Variants in SAE1 observed in about 807,000 individuals in gnomAD.
The protein encoded by SAE1 is SUMO-activating enzyme subunit 1.
SAE1 carries 11 observed loss-of-function variants against 40.6 expected under a neutral mutation model. The ratio of observed to expected loss-of-function variants is 0.27; its 90% confidence interval spans 0.17 to 0.45. SAE1 has a LOEUF of 0.45. Among genes scored for constraint, SAE1 ranks in the 20% least tolerant of loss-of-function variants. SAE1 has a pLI of 1.00. For missense variants in SAE1, 373 were observed against 427.3 expected, an observed-to-expected ratio of 0.87 and a Z score of 1.12; for synonymous variants, 155 against 154.3, an observed-to-expected ratio of 1.00 and a Z score of -0.03.
chr19:47,182,320 C>T (rs1019711018), intron 6 of SAE1, among the ~76,000 whole-genome samples: 1 of 151,996 alleles, frequency 6.6e-6, no homozygotes, highest in Non-Finnish European at 1.5e-5. Flanking sequence ...TTTTGGTGTC[C>T]AGTAATGACA....
rs111648130 is a variant in SAE1 at position 47,170,300 on chromosome 19, C to T, written c.733+377C>T. On this transcript the variant is annotated intron_variant, in intron 6 of 8. Coordinates refer to ENST00000270225, the MANE Select transcript of SAE1 (RefSeq NM_005500.3). Reference sequence around the variant, plus strand: ...TGCAATCTTGGCTCACTGCAACCTCCACCTCCTGGGTTGAAGCGATTCTGG... The same window carrying T: ...TGCAATCTTGGCTCACTGCAACCTCTACCTCCTGGGTTGAAGCGATTCTGG... Among the ~76,000 whole-genome samples, 1,082 of 151,518 alleles carry T rather than the reference C, an allele frequency of 7.1e-3. 11 individuals carry two copies. The highest frequency in any genetic ancestry group is 0.025 in the African/African-American group (1,045 of 41,264).
intron 5 of SAE1, among the ~76,000 whole-genome samples, 172 bp downstream of exon 5, chr19:47,155,385 A>G (rs1377821626): frequency 6.6e-6 from 1 of 151,898 alleles, no homozygotes; most frequent in Non-Finnish European, 1.5e-5. Context: ...CTGTGAGGGA[A>G]TGTGGGCCCA....
chr19:47,208,250 G>GT lies in SAE1; in HGVS notation c.949-902dup, dbSNP rs981505288. On this transcript the variant is annotated intron_variant, in intron 8 of 8. Coordinates refer to ENST00000270225, the MANE Select transcript of SAE1 (RefSeq NM_005500.3). The stretch of plus-strand genomic sequence containing the variant: ...TTAGTCATTGTTTTAGTTTTAAGGT[G>GT]TTTTTTTGTTTGTTTGTTTTTTGTT... 2.6e-5 allele frequency among the ~76,000 whole-genome samples: 4 copies of GT among 152,006 alleles called. No homozygotes were observed. In the East Asian group the frequency reaches 7.8e-4, roughly 30 times the overall value.
At position 47,155,469 on chromosome 19, in the gene SAE1, T is replaced by TTG. The variant is rs201028206; in HGVS notation, c.627+265_627+266dup. Among the ~76,000 whole-genome samples the TTG allele has an allele frequency of 3.9e-3, 595 of 152,154 alleles. 6 individuals carry two copies. The highest frequency in any genetic ancestry group is 0.014 in the African/African-American group (562 of 41,504). ...TAGGCTCTGTCCCAAACTTTTTTTT[T>TTG]TGTGTGTGTGAGATGGAATTTTTTC... On this transcript the variant is annotated intron_variant, in intron 5 of 8. Coordinates refer to ENST00000270225, the MANE Select transcript of SAE1 (RefSeq NM_005500.3).
intron 5 of SAE1, among the ~76,000 whole-genome samples, chr19:47,165,934 CT>C (rs1667319039): frequency 6.6e-6 from 1 of 152,188 alleles, no homozygotes; most frequent in Non-Finnish European, 1.5e-5. Context: ...TGCATTCCAA[CT>C]TTCACATTTT....
At chr19:47,150,847 CTG>C (rs761565298) in intron 3 of SAE1, among the ~76,000 whole-genome samples, 8 of 152,208 alleles carry the variant, frequency 5.3e-5, no homozygotes, top group Non-Finnish European at 1.2e-4. Flanking sequence ...GTCTGTCTGT[CTG>C]TTTCTCACAG....
chr19:47,157,516 C>T (rs1286683485), intron 5 of SAE1, among the ~76,000 whole-genome samples: 1 of 152,180 alleles, frequency 6.6e-6, no homozygotes, highest in Non-Finnish European at 1.5e-5. Context: ...GAGAGAGTGC[C>T]TAGCTTTGTT....
chr19:47,208,366 C>A (rs1369015539), intron 8 of SAE1, among the ~76,000 whole-genome samples: 2 of 151,974 alleles, frequency 1.3e-5, no homozygotes, highest in East Asian at 3.9e-4. Flanking sequence ...CTCAAGCGAT[C>A]CTCCCACCTC....
At chr19:47,139,677 C>A (rs972416099) in intron 1 of SAE1, among the ~76,000 whole-genome samples, 1 of 150,004 alleles carries the variant, frequency 6.7e-6, no homozygotes, top group Non-Finnish European at 1.5e-5. Flanking sequence ...CAAGCTACAC[C>A]TTCCGGGTTC....
intron 6 of SAE1, among the ~76,000 whole-genome samples, chr19:47,183,458 C>T (rs2123282816): frequency 6.6e-6 from 1 of 152,260 alleles, no homozygotes; most frequent in Non-Finnish European, 1.5e-5. Context: ...TAATTATTAG[C>T]ATTACTAATA....
intron 6 of SAE1, among the ~76,000 whole-genome samples, chr19:47,190,459 A>G (rs780493935): frequency 1.3e-5 from 2 of 152,132 alleles, no homozygotes; most frequent in South Asian, 4.1e-4. Context: ...TGTCAAGAAC[A>G]TGGCTTTCTT....
At chr19:47,171,410 C>T (rs1261343145) in intron 6 of SAE1, among the ~76,000 whole-genome samples, 1 of 152,146 alleles carries the variant, frequency 6.6e-6, no homozygotes, top group Non-Finnish European at 1.5e-5. Flanking sequence ...TCTCCTGCCT[C>T]AGCCTCCCGA....
chr19:47,151,860 T>G (rs1032313454), intron 3 of SAE1, among the ~76,000 whole-genome samples: 4 of 152,248 alleles, frequency 2.6e-5, no homozygotes, highest in Non-Finnish European at 4.4e-5. Flanking sequence ...GTGTAATGCG[T>G]GTGCATGGGG....
intron 1 of SAE1, 26 bp downstream of exon 1, chr19:47,131,054 G>A (rs773977877): frequency 7.3e-5 from 111 of 1,516,008 alleles, no homozygotes; most frequent in East Asian, 6.5e-4. Context: ...GCTTGAGGCC[G>A]CTAGGGTCTG....
chr19:47,193,051 C>G (rs928885495), intron 6 of SAE1, among the ~76,000 whole-genome samples: 16 of 150,672 alleles, frequency 1.1e-4, no homozygotes, highest in Admixed American at 2.0e-4. Context: ...TCTAGATGGT[C>G]ACAGCCTTTT....
intron 6 of SAE1, among the ~76,000 whole-genome samples, chr19:47,191,581 T>C (rs2058578077): frequency 6.6e-6 from 1 of 152,186 alleles, no homozygotes; most frequent in South Asian, 2.1e-4. Context: ...TGAGGCTGCC[T>C]GCTTTCCAGG....
rs551784337 is a variant in SAE1, at chr19:47,155,737, C to T, written c.627+524C>T. 8.0e-5 allele frequency among the ~76,000 whole-genome samples: 12 copies of T among 150,760 alleles called. No individual in the cohort carries two copies. The South Asian group carries it at 1.3e-3, about 16-fold the overall frequency. On this transcript the variant is annotated intron_variant, in intron 5 of 8. Coordinates refer to ENST00000270225, the MANE Select transcript of SAE1 (RefSeq NM_005500.3). ...GATTACAGGCGTGAGCCACCATGCC[C>T]GGCCCCATACCCTTTTTTTTTTTTT...
chr19:47,133,283 T>G (rs1026298302), intron 1 of SAE1, among the ~76,000 whole-genome samples: 1 of 152,236 alleles, frequency 6.6e-6, no homozygotes, highest in African/African-American at 2.4e-5. Context: ...AATGGCACGA[T>G]CTCGGCTCAC....
intron 1 of SAE1, among the ~76,000 whole-genome samples, chr19:47,133,498 T>G (rs2058160173): frequency 6.6e-6 from 1 of 152,184 alleles, no homozygotes; most frequent in Non-Finnish European, 1.5e-5. Context: ...GTGCTGTGAT[T>G]ACAGGCGTGA....
Sources: gnomAD v4.1 joint callset for allele counts (sites outside exome capture counted in the v4.1 genomes callset) on GRCh38, gnomAD v4.1.1 for gene constraint, MANE v1.5 for transcripts, NCBI Gene and HGNC (gene_info 2026-07-23, HGNC 2026-07-21) for gene names.